The following DDX11 variants were observed in gnomAD, a reference collection of about 807,000 sequenced individuals.
DDX11 encodes DEAD/H-box helicase 11.
In DDX11, 72 loss-of-function variants were observed where a neutral mutation model predicts 125.2. That is an observed-to-expected ratio of 0.58 (90% CI 0.48 to 0.70). DDX11 has a LOEUF of 0.70. Ranked by LOEUF, DDX11 falls within the 30% of genes least tolerant of loss-of-function variation. DDX11 has a pLI of 0.00. For missense variants in DDX11, 883 were observed against 1,165.0 expected (o/e 0.76, Z 3.52); for synonymous variants, 347 against 452.6 (o/e 0.77, Z 2.96).
chr12:31,077,942 C>T (rs1941022306), intron 1 of DDX11: 1 of 328,898 alleles, frequency 3.0e-6, no homozygotes, highest in South Asian at 2.5e-5. Context: ...CATGATTTTC[C>T]AGGACTTCAC....
In DDX11 at chr12:31,074,057, G is replaced by C. The variant is rs1483861857; in HGVS notation, c.-39G>C. ...GCAGACTGGTGAAATCGCAAACTGG[G>C]CGTCTGTTCCGGCGCCGGACCCCTA... On this transcript the variant is annotated 5_prime_UTR_variant, in exon 1 of 27. Transcript: ENST00000542838. The C allele has an allele frequency of 2.6e-5, 4 of 152,282 alleles. No individual in the cohort carries two copies. The highest frequency in any genetic ancestry group is 5.9e-5 in the Non-Finnish European group (4 of 68,096). 9.4% of individuals were successfully genotyped at this position (152,282 alleles called of 1,614,324 possible). A position where few individuals can be genotyped will look rare whatever the true frequency, so the allele number is the denominator to read the frequency against.
At chr12:31,079,602 A>T (rs1359549025) in intron 2 of DDX11, among the ~76,000 whole-genome samples, 3 of 148,912 alleles carry the variant, frequency 2.0e-5, no homozygotes, top group Non-Finnish European at 4.4e-5. Flanking sequence ...GACCTCCTTT[A>T]CCCTTGAAGG....
At chr12:31,095,943 G>A (rs1209440305) in intron 14 of DDX11, among the ~76,000 whole-genome samples, 1 of 152,038 alleles carries the variant, frequency 6.6e-6, no homozygotes, top group Non-Finnish European at 1.5e-5. Flanking sequence ...TGGATGCACC[G>A]ACTGAGTGGC....
intron 1 of DDX11, 93 bp from the exon 2 acceptor site, chr12:31,078,297 T>C (rs1321996236): frequency 6.2e-7 from 1 of 1,610,778 alleles, no homozygotes; most frequent in Non-Finnish European, 8.5e-7. Context: ...TGGTAATAAG[T>C]GTGGAGACTG....
chr12:31,094,139 G>A (rs529992287), intron 12 of DDX11, among the ~76,000 whole-genome samples: 99 of 152,320 alleles, frequency 6.5e-4, no homozygotes, highest in African/African-American at 2.4e-3. Flanking sequence ...TTTATGATGG[G>A]GCACCCCCTT....
chr12:31,077,381 T>G (rs946605778), intron 1 of DDX11, among the ~76,000 whole-genome samples: 1 of 152,164 alleles, frequency 6.6e-6, no homozygotes, highest in Non-Finnish European at 1.5e-5. Context: ...GTCTCAGTAC[T>G]GGGAAGCTGT....
At chr12:31,092,935 G>C (rs769856472) in intron 11 of DDX11, 43 bp downstream of exon 11, 2 of 1,610,988 alleles carry the variant, frequency 1.2e-6, no homozygotes, top group Admixed American at 3.3e-5. Flanking sequence ...TCCCTTGGTG[G>C]CCCCCTGCGT....
intron 17 of DDX11, among the ~76,000 whole-genome samples, chr12:31,097,488 G>A (rs551460169): frequency 6.6e-6 from 1 of 150,378 alleles, no homozygotes; most frequent in South Asian, 2.1e-4. Flanking sequence ...AGACCATCCT[G>A]GCTAACACAG....
chr12:31,098,882 T>G (rs1258497214), intron 18 of DDX11, among the ~76,000 whole-genome samples: 1 of 152,056 alleles, frequency 6.6e-6, no homozygotes, highest in Non-Finnish European at 1.5e-5. Flanking sequence ...CAGCAGAATG[T>G]CATGGGATCA....
rs1200888652 is a variant in DDX11 at position 31,101,583 on chromosome 12, C to A, written c.2053-250C>A. The stretch of plus-strand genomic sequence containing the variant: ...ACTCAGTGCCAGGGCAATAGGGAGG[C>A]CCCCTAGGGACGCTAGTGCTGTGAC... On this transcript the variant is annotated intron_variant, in intron 20 of 26. Transcript: ENST00000542838. 14 of 557,014 alleles carry A rather than the reference C, an allele frequency of 2.5e-5. No individual in the cohort carries two copies. In the East Asian group the frequency reaches 4.1e-4, roughly 16 times the overall value. The allele number at this position is 557,014 out of a possible 1,614,324, so 34.5% of individuals were successfully genotyped here. A position where few individuals can be genotyped will look rare whatever the true frequency, so the allele number is the denominator to read the frequency against.
chr12:31,102,744 T>C (rs1946611081), intron 23 of DDX11, 192 bp from the exon 24 acceptor site: 1 of 718,736 alleles, frequency 1.4e-6, no homozygotes, highest in Non-Finnish European at 2.5e-6. Flanking sequence ...CAGGACCCAG[T>C]CAATTGGCCT....
intron 23 of DDX11, 42 bp downstream of exon 23, chr12:31,102,569 G>T: frequency 6.3e-7 from 1 of 1,582,214 alleles, no homozygotes; most frequent in Non-Finnish European, 8.7e-7. Flanking sequence ...GTGATACATG[G>T]CCGGCCCTCA....
At chr12:31,093,720 C>CAAAAAAAAAAAAAAAAAAAAAAAAAA (rs71052461) in intron 12 of DDX11, 1 of 55,564 alleles carries the variant, frequency 1.8e-5, no homozygotes, top group African/African-American at 8.3e-5. Flanking sequence ...GAATCAGTCT[C>CAAAAAAAAAAAAAAAAAAAAAAAAAA]AAAAAAAAAA....
Position 31,103,570 on chromosome 12 carries a change from T to C in DDX11, c.2537-7T>C. ...TGCTCGGAGCCCCAGCCTCTGTTCC[T>C]ATGCAGGCAGGGCCATCAGGCACCA... On this transcript the variant is annotated splice_polypyrimidine_tract_variant and splice_region_variant and intron_variant, in intron 25 of 26. Transcript: ENST00000542838. 1 of 1,613,888 alleles carries C rather than the reference T, an allele frequency of 6.2e-7. No homozygotes were observed. Among genetic ancestry groups the C allele is most frequent in the Non-Finnish European group, 8.5e-7 (1 of 1,179,898 alleles).
Position 31,101,914 on chromosome 12 carries a change from T to G in DDX11, c.2134T>G (p.Tyr712Asp). The G allele has an allele frequency of 8.7e-6, 14 of 1,613,846 alleles. No homozygotes were observed. The highest frequency in any genetic ancestry group is 1.2e-5 in the Non-Finnish European group (14 of 1,179,828). The change falls in exon 21 of 27, where the codon TAC (tyrosine) becomes GAC (aspartate). Residue 712 changes from tyrosine to aspartate, a missense_variant. This residue lies in a region of DDX11 where 285 missense variants were observed against 346.0 expected (regional missense o/e 0.82). Transcript: ENST00000542838. ...GGTCTGTTTCTTCCCCTCCTACGAGTACCTGCGCCAGGTCCATGCCCACTG... is the reference window on the plus strand; with the variant it reads ...GGTCTGTTTCTTCCCCTCCTACGAGGACCTGCGCCAGGTCCATGCCCACTG... The part of the protein sequence containing the change: ...GVVCFFPSYE[Y>D]LRQVHAHWEK...
In DDX11 at chr12:31,089,867, G is replaced by T. The variant is rs1434202159; in HGVS notation, c.881-19G>T. 1 of 1,610,036 alleles carries T rather than the reference G, an allele frequency of 6.2e-7. No individual in the cohort carries two copies. Among genetic ancestry groups the T allele is most frequent in the African/African-American group, 1.3e-5 (1 of 74,836 alleles). ...GCTGTCCTCTCTGTTTTCTCTCTTT[G>T]TGCCTGTGCCACCCTCAGAGAAGAA... On this transcript the variant is annotated intron_variant, in intron 8 of 26. Transcript: ENST00000542838.
chr12:31,093,097 T>G, intron 11 of DDX11, 148 bp from the exon 12 acceptor site: 1 of 1,024,756 alleles, frequency 9.8e-7, no homozygotes, highest in Non-Finnish European at 1.5e-6. Context: ...CTCTGAGGCC[T>G]GGGGCCGTGG....
rs762687593 is a variant in DDX11 at position 31,089,489 on chromosome 12, C to T, written c.879C>T (p.His293=). 23 of 1,612,764 alleles carry T rather than the reference C, an allele frequency of 1.4e-5. No individual in the cohort carries two copies. The highest frequency in any genetic ancestry group is 1.6e-4 in the Middle Eastern group (1 of 6,072). Residue 293 remains histidine (H), a splice_region_variant and synonymous_variant, in exon 8 of 27, where the codon CAC becomes CAT. Transcript: ENST00000542838. ...GTGTGGACATGCAGAGAAGCAGGCA[C>T]GGTAGCCACTGGGACCATGGTGTAG... ...DRCVDMQRSR[H]EKKKGAEEEK... is the part of the protein sequence containing the mutation.
chr12:31,093,375 T>C, intron 12 of DDX11, 51 bp downstream of exon 12: 2 of 1,609,992 alleles, frequency 1.2e-6, no homozygotes, highest in Non-Finnish European at 8.5e-7. Flanking sequence ...CTCGCTGGGC[T>C]GCTTTTTCCT....
Sources: gnomAD v4.1 joint callset for allele counts (sites outside exome capture counted in the v4.1 genomes callset) on GRCh38, gnomAD v4.1.1 for gene constraint, gnomAD v4.1.1 regional missense constraint, MANE v1.5 for transcripts, NCBI Gene and HGNC (gene_info 2026-07-23, HGNC 2026-07-21) for gene names.